GYG2: variants seen among roughly 807,000 people sequenced by gnomAD.
GYG2 encodes glycogenin-2.
GYG2 carries 29 observed loss-of-function variants against 29.4 expected under a neutral mutation model. That is an observed-to-expected ratio of 0.99 (90% CI 0.74 to 1.35). The LOEUF is 1.35. Among genes scored for constraint, GYG2 ranks in the 40% most tolerant of loss-of-function variants. The pLI is 0.00. For missense variants in GYG2, 370 were observed against 385.7 expected (o/e 0.96, Z 0.34); for synonymous variants, 167 against 172.3 (o/e 0.97, Z 0.24).
intron 8 of GYG2, among the ~76,000 whole-genome samples, chrX:2,865,785 T>A (rs959868096): frequency 1.3e-4 from 14 of 111,587 alleles, no homozygotes; most frequent in Admixed American, 4.8e-4. Flanking sequence ...CCACTGTTGA[T>A]GGGGATTAAA....
chrX:2,855,273 G>A, intron 5 of GYG2, 118 bp downstream of exon 5: 1 of 609,669 alleles, frequency 1.6e-6, no homozygotes, highest in Non-Finnish European at 2.6e-6. Context: ...CAGGGATGCG[G>A]TCTGAGAAAT....
intron 1 of GYG2, 125 bp from the exon 2 acceptor site, chrX:2,829,936 C>T (rs1206168787): frequency 2.5e-6 from 1 of 403,124 alleles, no homozygotes; most frequent in African/African-American, 2.7e-5. Flanking sequence ...GTGGAGGTCG[C>T]AGGGGCATCG....
intron 1 of GYG2, 29 bp from the exon 2 acceptor site, chrX:2,830,032 T>A (rs936296653): frequency 1.2e-5 from 6 of 483,538 alleles, no homozygotes; most frequent in Non-Finnish European, 1.8e-5. Context: ...CAGCCGAGGG[T>A]GTCGAGACTG....
intron 8 of GYG2, among the ~76,000 whole-genome samples, chrX:2,863,791 C>A (rs1286530961): frequency 9.0e-6 from 1 of 111,691 alleles, no homozygotes; most frequent in Non-Finnish European, 1.9e-5. Flanking sequence ...GGCCCCAGGA[C>A]GTGCCTCATG....
At chrX:2,877,150 C>T in intron 9 of GYG2, 50 bp from the exon 10 acceptor site, 1 of 1,194,740 alleles carries the variant, frequency 8.4e-7, no homozygotes, top group Non-Finnish European at 1.1e-6. Context: ...GTTAGGGCTA[C>T]AGTTCCCTGC....
At chrX:2,838,520 C>CT (rs1409291849) in intron 2 of GYG2, among the ~76,000 whole-genome samples, 3 of 85,247 alleles carry the variant, frequency 3.5e-5, no homozygotes, top group Non-Finnish European at 6.6e-5. Flanking sequence ...ACTCTCTGGG[C>CT]TTTTTAAATC....
At chrX:2,847,733 A>C (rs140237135) in intron 3 of GYG2, among the ~76,000 whole-genome samples, 13,335 of 104,995 alleles carry the variant, frequency 0.13, 735 homozygotes, top group South Asian at 0.3. Flanking sequence ...TAAATAAATA[A>C]ATAAATAAAT....
chrX:2,859,938 G>A lies in GYG2; in HGVS notation c.710G>A (p.Gly237Asp). 2 of 1,198,840 alleles carry A rather than the reference G, an allele frequency of 1.7e-6. No individual in the cohort carries two copies. The highest frequency in any genetic ancestry group is 2.3e-6 in the Non-Finnish European group (2 of 884,648). The change falls in exon 7 of 11, where the codon GGC becomes GAC. Residue 237 changes from glycine to aspartate, a missense_variant. By Grantham distance (94) the Gly-to-Asp change is moderately conservative (BLOSUM62 -1). Coordinates refer to ENST00000398806, the MANE Select transcript of GYG2 (RefSeq NM_001079855.2). ...CAGAGTGGCTCGGTGTTGGAGCAAG[G>A]CTCAGCGTCCAGCAGCCAGCACCAG... Reference protein sequence around the residue: ...NPQSGSVLEQGSASSSQHQAA... With the variant: ...NPQSGSVLEQDSASSSQHQAA...
intron 3 of GYG2, among the ~76,000 whole-genome samples, chrX:2,852,097 A>C (rs994278500): frequency 9.0e-6 from 1 of 111,139 alleles, no homozygotes; most frequent in African/African-American, 3.3e-5. Context: ...TCTACCAAAA[A>C]ATACAAAAAA....
rs2088638842 is a variant in GYG2 at position 2,878,000 on chromosome X, A to G, written c.1251+693A>G. On this transcript the variant is annotated intron_variant, in intron 10 of 10. Coordinates refer to ENST00000398806, the MANE Select transcript of GYG2 (RefSeq NM_001079855.2). ...GACAGTCACCCTTGGAGAAAATGTG[A>G]ACTTGTTTTTCTCATTCTTACTTGG... 6.7e-6 allele frequency: 5 copies of G among 750,214 alleles called. No homozygotes were observed. The Admixed American group carries it at 4.4e-4, about 66-fold the overall frequency. 61.8% of individuals were successfully genotyped at this position (750,214 alleles called of 1,213,427 possible). A position where few individuals can be genotyped will look rare whatever the true frequency, so the allele number is the denominator to read the frequency against.
intron 3 of GYG2, among the ~76,000 whole-genome samples, chrX:2,851,234 T>G (rs1217365231): frequency 9.0e-6 from 1 of 111,362 alleles, no homozygotes; most frequent in Non-Finnish European, 1.9e-5. Context: ...AGATTGTTCT[T>G]CAGTTGTTTG....
intron 5 of GYG2, 82 bp downstream of exon 5, chrX:2,855,237 CCATACAGTCACACCTCGCTCAGCGA>C: frequency 1.2e-6 from 1 of 867,233 alleles, no homozygotes; most frequent in East Asian, 3.1e-5. Flanking sequence ...CAGCCGTTGA[CCATACAGTCACACCTCGCTCAGCGA>C]CAGGGATGCG....
chrX:2,829,113 C>A (rs1460739544), intron 1 of GYG2, 138 bp downstream of exon 1: 2 of 77,271 alleles, frequency 2.6e-5, no homozygotes, highest in Admixed American at 1.5e-4. Flanking sequence ...GGGGCGGGGG[C>A]GCAACCCAGA....
intron 6 of GYG2, 120 bp from the exon 7 acceptor site, chrX:2,859,723 A>G: frequency 2.2e-6 from 1 of 453,960 alleles, no homozygotes. Context: ...AATAATGGAA[A>G]CCCATTGGGA....
chrX:2,855,643 T>C (rs1328123658), intron 5 of GYG2, among the ~76,000 whole-genome samples: 1 of 112,156 alleles, frequency 8.9e-6, no homozygotes, highest in Non-Finnish European at 1.9e-5. Context: ...ATCCCAGCAC[T>C]TTGGGAGGCC....
intron 8 of GYG2, 47 bp downstream of exon 8, chrX:2,861,769 G>T (rs1384217797): frequency 4.1e-6 from 4 of 983,348 alleles, no homozygotes; most frequent in Non-Finnish European, 5.6e-6. Flanking sequence ...ACGCTGGCTC[G>T]CAGTGAGAGA....
At chrX:2,856,777 T>TATC (rs768521931) in intron 6 of GYG2, among the ~76,000 whole-genome samples, 153 bp downstream of exon 6, 20 of 75,047 alleles carry the variant, frequency 2.7e-4, no homozygotes, top group Admixed American at 7.0e-4. Flanking sequence ...TCTATCTATC[T>TATC]ATCTATCTAT....
intron 8 of GYG2, among the ~76,000 whole-genome samples, chrX:2,873,029 T>C (rs181926563): frequency 4.5e-5 from 5 of 112,271 alleles, no homozygotes; most frequent in Non-Finnish European, 9.4e-5. Context: ...TCCCGCTCTC[T>C]CACTTGCTAG....
intron 3 of GYG2, 73 bp downstream of exon 3, chrX:2,843,427 C>G: frequency 1.2e-6 from 1 of 842,389 alleles, no homozygotes; most frequent in Non-Finnish European, 1.7e-6. Flanking sequence ...CTAAGAGGTC[C>G]TAGGAGTTAT....
Sources: gnomAD v4.1 joint callset for allele counts (sites outside exome capture counted in the v4.1 genomes callset) on GRCh38, gnomAD v4.1.1 for gene constraint, MANE v1.5 for transcripts, NCBI Gene and HGNC (gene_info 2026-07-23, HGNC 2026-07-21) for gene names.